Variants in AKNA observed in about 807,000 individuals in gnomAD.
AKNA encodes the protein microtubule organization protein AKNA.
AKNA carries 67 observed loss-of-function variants against 138.8 expected under a neutral mutation model. The observed-to-expected ratio is 0.48, with a 90% confidence interval of 0.40 to 0.59. The LOEUF (loss-of-function observed/expected upper bound fraction) is 0.59, where lower values mean the gene tolerates loss of function less well. Among genes scored for constraint, AKNA ranks in the 20% least tolerant of loss-of-function variants. The pLI is 0.00. For synonymous variants in AKNA, 737 were observed against 754.4 expected, an observed-to-expected ratio of 0.98 and a Z score of 0.38; for missense variants, 1,813 against 1,880.4, an observed-to-expected ratio of 0.96 and a Z score of 0.66.
At chr9:114,390,397 A>G (rs1834288347), upstream of AKNA, among the ~76,000 whole-genome samples, 1 of 152,176 alleles carries the variant, frequency 6.6e-6, no homozygotes, top group South Asian at 2.1e-4. Context: ...ACCCAGGTAC[A>G]CACTGAGAAT....
intron 15 of AKNA, among the ~76,000 whole-genome samples, 185 bp downstream of exon 15, chr9:114,350,674 G>A (rs1361309909): frequency 1.3e-5 from 2 of 152,186 alleles, no homozygotes; most frequent in Non-Finnish European, 2.9e-5. Flanking sequence ...TGTCCTCGAT[G>A]TCTAGATCAA....
intron 4 of AKNA, 76 bp downstream of exon 4, chr9:114,374,016 CT>C (rs1832988489): frequency 6.8e-7 from 1 of 1,464,552 alleles, no homozygotes; most frequent in South Asian, 1.2e-5. Context: ...AGGCAGTGGC[CT>C]TTCTCTAGGA....
At chr9:114,384,663 G>A (rs560367805) in intron 1 of AKNA, among the ~76,000 whole-genome samples, 2 of 152,000 alleles carry the variant, frequency 1.3e-5, no homozygotes, top group Non-Finnish European at 2.9e-5. Flanking sequence ...CTTTTCTCTG[G>A]CTTACTTTAT....
chr9:114,383,204 C>G (rs1355080129), intron 1 of AKNA: 4 of 455,974 alleles, frequency 8.8e-6, no homozygotes, highest in African/African-American at 8.0e-5. Context: ...CACGGGGGAC[C>G]CGTCAGGCGG....
rs1416379012 is a variant in AKNA, at chr9:114,337,138, G to C, written c.4236C>G (p.Val1412=). 6.2e-7 allele frequency: 1 copy of C among 1,610,004 alleles called. No individual in the cohort carries two copies. The highest frequency in any genetic ancestry group is 8.5e-7 in the Non-Finnish European group (1 of 1,178,190). ...TTCTCATCTGCCTGGTGGTAGAGCG[G>C]ACGCTCTCGGCAGCCTGCACGGCCC... ...LSRAVQAAES[V]RSTTRQMRSS... is the part of the protein sequence containing the mutation. The change falls in exon 22 of 22, where the codon GTC becomes GTG. Residue 1412 remains valine, a synonymous_variant. Coordinates refer to ENST00000374088, the MANE Select transcript of AKNA (RefSeq NM_001317950.2).
intron 1 of AKNA, among the ~76,000 whole-genome samples, chr9:114,394,137 C>G (rs28673998): frequency 6.6e-6 from 1 of 151,570 alleles, no homozygotes; most frequent in Non-Finnish European, 1.5e-5. Flanking sequence ...CGTGCCACCC[C>G]ACTCCAGCCT....
chr9:114,336,914 G>A lies in AKNA; in HGVS notation c.*140C>T, dbSNP rs1830023130. The A allele has an allele frequency of 8.8e-7, 1 of 1,131,164 alleles. No homozygotes were observed. Among genetic ancestry groups the A allele is most frequent in the Non-Finnish European group, 1.2e-6 (1 of 843,966 alleles). 70.1% of individuals were successfully genotyped at this position (1,131,164 alleles called of 1,614,324 possible). ...ACTTGGAAAGCACAGGGACTGAGCA[G>A]GCGGGACCTGTGCTGGAGGGAGACC... On this transcript the variant is annotated 3_prime_UTR_variant, in exon 22 of 22. Transcript: ENST00000374088.
downstream of AKNA, among the ~76,000 whole-genome samples, chr9:114,333,768 G>A: frequency 6.7e-6 from 1 of 149,674 alleles, no homozygotes; most frequent in Non-Finnish European, 1.5e-5. Flanking sequence ...CTGCAAGCAA[G>A]GAAATGAGAG....
In AKNA at chr9:114,381,365, T is replaced by C; in HGVS notation, c.-32A>G. ...TGGCCTGGGCTTCACCTGGGCCACT[T>C]CATCTTCAGGAGACAGAGCTGCTGC... On this transcript the variant is annotated 5_prime_UTR_variant, in exon 2 of 22. Transcript: ENST00000374088. The C allele has an allele frequency of 6.6e-7, 1 of 1,514,890 alleles. No homozygotes were observed. Among genetic ancestry groups the C allele is most frequent in the Non-Finnish European group, 8.8e-7 (1 of 1,132,446 alleles). The allele number at this position is 1,514,890 out of a possible 1,614,324, so 93.8% of individuals were successfully genotyped here.
chr9:114,342,069 G>C lies in AKNA; in HGVS notation c.3814C>G (p.Pro1272Ala). The change falls in exon 20 of 22, where the codon CCC becomes GCC. Residue 1272 changes from proline (P) to alanine (A), a missense_variant. Physicochemically the swap from Pro to Ala is conservative, Grantham distance 27 (BLOSUM62 -1). Coordinates refer to ENST00000374088, the MANE Select transcript of AKNA (RefSeq NM_001317950.2). ...GPPPADTLQC[P>A]LCGQVGSPPE... ...GGAGACCCAACTTGACCACACAGGG[G>C]ACACTGAAGGGTATCAGCGGGAGGC... 6.2e-7 allele frequency: 1 copy of C among 1,613,598 alleles called. No homozygotes were observed. Among genetic ancestry groups the C allele is most frequent in the Non-Finnish European group, 8.5e-7 (1 of 1,179,782 alleles).
At chr9:114,351,092 T>C in intron 14 of AKNA, 71 bp from the exon 15 acceptor site, 1 of 1,481,984 alleles carries the variant, frequency 6.7e-7, no homozygotes, top group Non-Finnish European at 9.2e-7. Flanking sequence ...CTTGTGCAGG[T>C]GGAATGATGG....
intron 4 of AKNA, among the ~76,000 whole-genome samples, chr9:114,371,766 A>C (rs939440755): frequency 6.6e-6 from 1 of 152,040 alleles, no homozygotes; most frequent in Non-Finnish European, 1.5e-5. Flanking sequence ...GTCCAGCGCA[A>C]CATCCCCAGC....
At chr9:114,357,746 G>T (rs567399524) in intron 12 of AKNA, among the ~76,000 whole-genome samples, 175 bp downstream of exon 12, 1 of 152,288 alleles carries the variant, frequency 6.6e-6, no homozygotes, top group South Asian at 2.1e-4. Flanking sequence ...GGACAGGTTT[G>T]GGGGGTGACA....
chr9:114,365,982 C>T (rs111701859), intron 6 of AKNA, among the ~76,000 whole-genome samples: 130 of 152,248 alleles, frequency 8.5e-4, no homozygotes, highest in African/African-American at 2.7e-3. Context: ...TCTCCGGCTA[C>T]GGAACCAAGA....
intron 1 of AKNA, among the ~76,000 whole-genome samples, chr9:114,381,834 T>A (rs1275601774): frequency 6.6e-6 from 1 of 151,934 alleles, no homozygotes; most frequent in East Asian, 1.9e-4. Flanking sequence ...CTAATTTTTG[T>A]ATTTTTTAGT....
At position 114,358,133 on chromosome 9, in the gene AKNA, G is replaced by A. The variant is rs1831642834; in HGVS notation, c.2527C>T (p.Pro843Ser). ...CTAGCCAGGGATGCCTGGAAACCTG[G>A]TGGCTTCATAGATACCATCTTCTCC... ...ATEKMVSMKP[P>S]GFQASLARDG... The change falls in exon 12 of 22, where the codon CCA (proline) becomes TCA (serine). Residue 843 changes from proline to serine, a missense_variant. Transcript: ENST00000374088. 6.2e-7 allele frequency: 1 copy of A among 1,614,210 alleles called. No individual in the cohort carries two copies. Among genetic ancestry groups the A allele is most frequent in the African/African-American group, 1.3e-5 (1 of 75,068 alleles).
intron 6 of AKNA, among the ~76,000 whole-genome samples, chr9:114,366,012 A>G (rs1832321407): frequency 6.6e-6 from 1 of 152,190 alleles, no homozygotes; most frequent in Non-Finnish European, 1.5e-5. Context: ...GCAAAAGGAA[A>G]CGAAGCCTGT....
chr9:114,345,339 C>G (rs1830611588), intron 18 of AKNA: 1 of 152,220 alleles, frequency 6.6e-6, no homozygotes. Flanking sequence ...CTCGGCCTCC[C>G]AAAGTGCTGG....
At chr9:114,351,457 C>T (rs10739408) in intron 14 of AKNA, among the ~76,000 whole-genome samples, 63,067 of 151,914 alleles carry the variant, frequency 0.42, 15,043 homozygotes, top group Middle Eastern at 0.57. Context: ...TAACTTTTAA[C>T]GAATCTCCCA....
Sources: allele counts gnomAD v4.1 joint callset (sites outside exome capture counted in the v4.1 genomes callset), GRCh38; gene constraint gnomAD v4.1.1; transcripts MANE v1.5; gene names NCBI Gene and HGNC (gene_info 2026-07-23, HGNC 2026-07-21).